The following RREB1 variants were observed in gnomAD, a reference collection of about 807,000 sequenced individuals.
The protein encoded by RREB1 is ras responsive element binding protein 1.
A neutral mutation model predicts 117.8 loss-of-function variants in RREB1; 27 were observed. The ratio of observed to expected loss-of-function variants is 0.23; its 90% confidence interval spans 0.17 to 0.32. RREB1 has a LOEUF of 0.32. Ranked by LOEUF, RREB1 falls within the 10% of genes least tolerant of loss-of-function variation. The pLI, the probability that RREB1 is intolerant of heterozygous loss-of-function variation, is 1.00. For missense variants in RREB1, 2,577 were observed against 2,378.2 expected, an observed-to-expected ratio of 1.08 and a Z score of -1.74; for synonymous variants, 1,298 against 1,026.7, an observed-to-expected ratio of 1.26 and a Z score of -5.05.
chr6:7,137,297 ACT>A (rs1490599160), intron 1 of RREB1, among the ~76,000 whole-genome samples: 1 of 152,030 alleles, frequency 6.6e-6, no homozygotes, highest in Non-Finnish European at 1.5e-5. Context: ...TGCCTTATAG[ACT>A]CGGGTACAGG....
At chr6:7,126,148 C>T (rs542956052) in intron 1 of RREB1, among the ~76,000 whole-genome samples, 74 of 152,134 alleles carry the variant, frequency 4.9e-4, no homozygotes, top group Middle Eastern at 3.4e-3. Context: ...ATTACAGGTG[C>T]GCACCACCAC....
rs1237485438 is a variant in RREB1, at chr6:7,231,743, A to G, written c.3644A>G (p.His1215Arg). The G allele has an allele frequency of 3.7e-6, 6 of 1,613,744 alleles. No homozygotes were observed. In the Admixed American group the frequency reaches 6.7e-5, roughly 18 times the overall value. ...QDEVAGAPAD[H>R]HGPSDEEQGS... ...GAGGTGGCCGGAGCCCCTGCCGACC[A>G]CCATGGGCCCAGTGATGAAGAGCAG... The change falls in exon 10 of 13, where the codon CAC (histidine) becomes CGC (arginine). Residue 1215 changes from histidine (H) to arginine (R), a missense_variant. His to Arg is a conservative substitution (Grantham distance 29). Transcript: ENST00000379938.
At position 7,230,931 on chromosome 6, in the gene RREB1, G is replaced by C; in HGVS notation, c.2832G>C (p.Arg944Ser). The C allele has an allele frequency of 6.2e-7, 1 of 1,614,056 alleles. No individual in the cohort carries two copies. The highest frequency in any genetic ancestry group is 8.5e-7 in the Non-Finnish European group (1 of 1,179,950). The change falls in exon 10 of 13, where the codon AGG becomes AGC. Residue 944 changes from arginine (R) to serine (S), a missense_variant. Physicochemically the swap from Arg to Ser is moderately radical, Grantham distance 110. Transcript: ENST00000379938. ...PIDLSIPKNF[R>S]KGDKDLATPS... ...ACCTGTCCATCCCCAAGAACTTCAG[G>C]AAAGGGGACAAGGATTTGGCCACTC... is the stretch of plus-strand genomic sequence containing the variant.
At chr6:7,236,046 A>G (rs1461330186) in intron 10 of RREB1, among the ~76,000 whole-genome samples, 1 of 151,882 alleles carries the variant, frequency 6.6e-6, no homozygotes, top group Non-Finnish European at 1.5e-5. Context: ...TTTCCTGCTG[A>G]TGAGGACAGT....
chr6:7,119,485 T>C (rs1259193208), intron 1 of RREB1, among the ~76,000 whole-genome samples: 1 of 152,110 alleles, frequency 6.6e-6, no homozygotes, highest in Admixed American at 6.6e-5. Context: ...GGAAGGCACC[T>C]TGTGGAAGTG....
At chr6:7,245,685 A>G (rs1282801935) in intron 11 of RREB1, among the ~76,000 whole-genome samples, 1 of 152,144 alleles carries the variant, frequency 6.6e-6, no homozygotes, top group African/African-American at 2.4e-5. Context: ...GATGCCTGGA[A>G]CCCAGAACCC....
At chr6:7,160,625 T>G (rs1047767727) in intron 1 of RREB1, among the ~76,000 whole-genome samples, 4 of 152,184 alleles carry the variant, frequency 2.6e-5, no homozygotes, top group Non-Finnish European at 5.9e-5. Flanking sequence ...TCCTCCCGGT[T>G]CAGCTTCCTG....
intron 1 of RREB1, among the ~76,000 whole-genome samples, chr6:7,126,657 A>G (rs1350324226): frequency 6.6e-6 from 1 of 152,192 alleles, no homozygotes; most frequent in African/African-American, 2.4e-5. Context: ...TGCTACTGTT[A>G]TTATCATTGT....
chr6:7,142,802 C>A (rs943258852), intron 1 of RREB1, among the ~76,000 whole-genome samples: 2 of 152,220 alleles, frequency 1.3e-5, no homozygotes, highest in African/African-American at 4.8e-5. Flanking sequence ...TTGAGACTTA[C>A]CTCACTTTTG....
intron 1 of RREB1, among the ~76,000 whole-genome samples, chr6:7,125,040 C>T (rs980006867): frequency 2.0e-5 from 3 of 152,222 alleles, no homozygotes; most frequent in African/African-American, 7.2e-5. Context: ...CTTGTGGAAA[C>T]AGCAGATTAC....
rs201015406 is a variant in RREB1, at chr6:7,231,584, G to A, written c.3485G>A (p.Arg1162Gln). The change falls in exon 10 of 13, where the codon CGA becomes CAA. Residue 1162 changes from arginine to glutamine, a missense_variant. By Grantham distance (43) the Arg-to-Gln change is conservative. Transcript: ENST00000379938. The part of the protein sequence containing the change: ...KRGRKRGMRS[R>Q]PRANSGGVDL... ...GGCCGGAAAAGGGGGATGAGGAGCC[G>A]ACCCCGCGCCAACAGCGGCGGGGTG... 1.2e-4 allele frequency: 191 copies of A among 1,611,508 alleles called. No homozygotes were observed. Among genetic ancestry groups the A allele is most frequent in the Admixed American group, 1.3e-4 (8 of 59,778 alleles).
intron 1 of RREB1, among the ~76,000 whole-genome samples, chr6:7,117,408 T>C (rs1761457563): frequency 2.3e-5 from 3 of 131,080 alleles, no homozygotes; most frequent in African/African-American, 8.7e-5. Context: ...TTTTTTTTTT[T>C]TTTTTTTTTT....
At chr6:7,141,970 G>A (rs1762617553) in intron 1 of RREB1, among the ~76,000 whole-genome samples, 1 of 152,238 alleles carries the variant, frequency 6.6e-6, no homozygotes, top group African/African-American at 2.4e-5. Context: ...CCAGCAATTT[G>A]GGAGGCCCAG....
intron 1 of RREB1, among the ~76,000 whole-genome samples, chr6:7,149,303 A>G (rs1180108611): frequency 6.6e-6 from 1 of 152,230 alleles, no homozygotes; most frequent in Non-Finnish European, 1.5e-5. Context: ...TTAAAAGCAA[A>G]TGATACCAAA....
intron 8 of RREB1, among the ~76,000 whole-genome samples, chr6:7,222,742 G>T (rs568473172): frequency 1.2e-4 from 18 of 151,982 alleles, no homozygotes; most frequent in South Asian, 2.1e-4. Context: ...CGGGAGGATT[G>T]CTTGAGCCCA....
intron 11 of RREB1, among the ~76,000 whole-genome samples, chr6:7,241,808 G>A (rs959934639): frequency 2.0e-5 from 3 of 152,192 alleles, no homozygotes; most frequent in Admixed American, 1.3e-4. Context: ...GTATGAAAGG[G>A]TAAGCTGGTT....
intron 1 of RREB1, among the ~76,000 whole-genome samples, chr6:7,115,827 C>T (rs149398026): frequency 2.0e-5 from 3 of 152,178 alleles, no homozygotes; most frequent in African/African-American, 4.8e-5. Flanking sequence ...AAAGTCCTCT[C>T]CCTTCCTTCT....
At chr6:7,150,192 C>T (rs1257913868) in intron 1 of RREB1, among the ~76,000 whole-genome samples, 2 of 152,128 alleles carry the variant, frequency 1.3e-5, no homozygotes, top group Non-Finnish European at 2.9e-5. Flanking sequence ...ATACCTGCTA[C>T]TGGTTCTCAA....
chr6:7,164,592 A>T (rs1014254070), intron 1 of RREB1, among the ~76,000 whole-genome samples: 1 of 152,206 alleles, frequency 6.6e-6, no homozygotes, highest in African/African-American at 2.4e-5. Context: ...CCCATAAGTG[A>T]CAAGCACAGT....
Sources: allele counts gnomAD v4.1 joint callset (sites outside exome capture counted in the v4.1 genomes callset), GRCh38; gene constraint gnomAD v4.1.1; transcripts MANE v1.5; gene names NCBI Gene and HGNC (gene_info 2026-07-23, HGNC 2026-07-21).